The following TAF5L variants were observed in gnomAD, a reference collection of about 807,000 sequenced individuals.
TAF5L encodes the protein TAF5-like RNA polymerase II p300/CBP-associated factor-associated factor 65 kDa subunit 5L.
TAF5L carries 7 observed loss-of-function variants against 51.3 expected under a neutral mutation model. That is an observed-to-expected ratio of 0.14 (90% CI 0.08 to 0.26). The LOEUF (loss-of-function observed/expected upper bound fraction) is 0.26. Among genes scored for constraint, TAF5L ranks in the 10% least tolerant of loss-of-function variants. TAF5L has a pLI of 1.00. For synonymous variants in TAF5L, 291 were observed against 308.1 expected (o/e 0.94, Z 0.58); for missense variants, 575 against 758.9 (o/e 0.76, Z 2.85).
intron 3 of TAF5L, chr1:229,606,335 A>G (rs1291569830): frequency 5.6e-6 from 5 of 900,682 alleles, no homozygotes; most frequent in Non-Finnish European, 6.6e-6. Flanking sequence ...ATTTTTTTCT[A>G]ACTGCAAAAG....
chr1:229,611,596 C>G (rs982125457), intron 2 of TAF5L, among the ~76,000 whole-genome samples: 4 of 152,156 alleles, frequency 2.6e-5, no homozygotes, highest in African/African-American at 9.7e-5. Flanking sequence ...CCTCCTTCTT[C>G]TTGCCCCCCG....
At chr1:229,604,895 C>T (rs552813269) in intron 3 of TAF5L, among the ~76,000 whole-genome samples, 13 of 152,202 alleles carry the variant, frequency 8.5e-5, no homozygotes, top group Middle Eastern at 3.4e-3. Flanking sequence ...AAAATATCTT[C>T]GCATTCTTTC....
rs567546969 is a variant in TAF5L, at chr1:229,606,764, T to C, written c.247+3342A>G. On this transcript the variant is annotated intron_variant, in intron 3 of 4. Transcript: ENST00000258281. The stretch of plus-strand genomic sequence containing the variant: ...GTTTAAGAGTCACAGCTGGCCCTGG[T>C]TCAAATCCAGAGGTTGCTTGACTCC... 2.3e-4 allele frequency: 225 copies of C among 985,452 alleles called. 1 individual carries two copies. Among genetic ancestry groups the C allele is most frequent in the South Asian group, 1.5e-3 (32 of 21,286 alleles). 61.0% of individuals were successfully genotyped at this position (985,452 alleles called of 1,614,324 possible).
chr1:229,610,345 A>C, intron 2 of TAF5L, 135 bp from the exon 3 acceptor site: 2 of 750,158 alleles, frequency 2.7e-6, no homozygotes, highest in South Asian at 1.8e-5. Flanking sequence ...TTTCCAAAGC[A>C]TGCTGGGTCC....
rs570180106 is a variant in TAF5L, at chr1:229,618,528, C to G, written c.-3-4043G>C. Among the ~76,000 whole-genome samples the G allele has an allele frequency of 2.9e-4, 44 of 152,152 alleles. 1 individual carries two copies. In the South Asian group the frequency reaches 8.9e-3, roughly 31 times the overall value. ...ACAATGTATATCTATTCTCATGTAT[C>G]AACAGTTGCCAGATACTTCAACCAA... is the stretch of plus-strand genomic sequence containing the variant. On this transcript the variant is annotated intron_variant, in intron 1 of 4. Coordinates refer to ENST00000258281, the Ensembl canonical transcript of TAF5L.
Position 229,594,110 on chromosome 1 carries a change from T to G in TAF5L, c.*187A>C. ...TCACTCATCATTGCCTCTCTCCTGT[T>G]CCCCTCCCCAACCTTGGCCTTCGAC... On this transcript the variant is annotated 3_prime_UTR_variant, in exon 5 of 5. Transcript: ENST00000258281. This position sits in a 1 kb window ranked among gnomAD's most constrained non-coding sequence, Gnocchi z 7.9. 1 of 637,732 alleles carries G rather than the reference T, an allele frequency of 1.6e-6. No individual in the cohort carries two copies. The highest frequency in any genetic ancestry group is 2.7e-6 in the Non-Finnish European group (1 of 364,902). 39.5% of individuals were successfully genotyped at this position (637,732 alleles called of 1,614,324 possible).
rs552434000 is a variant in TAF5L at position 229,602,027 on chromosome 1, T to C, written c.972+168A>G. 6.9e-7 allele frequency: 1 copy of C among 1,453,584 alleles called. No individual in the cohort carries two copies. The highest frequency in any genetic ancestry group is 1.5e-5 in the South Asian group (1 of 67,224). The allele number at this position is 1,453,584 out of a possible 1,614,324, so 90.0% of individuals were successfully genotyped here. A position where few individuals can be genotyped will look rare whatever the true frequency, so the allele number is the denominator to read the frequency against. ...TAAAAATTGTTTTTGCATCTTAGGTTAGGCATGTGCAGGAATTCAATGGCT... is the reference window on the plus strand; with the variant it reads ...TAAAAATTGTTTTTGCATCTTAGGTCAGGCATGTGCAGGAATTCAATGGCT... On this transcript the variant is annotated intron_variant, in intron 4 of 4. Coordinates refer to ENST00000258281, the Ensembl canonical transcript of TAF5L. This position sits in a 1 kb window ranked among gnomAD's most constrained non-coding sequence, Gnocchi z 4.6.
intron 1 of TAF5L, among the ~76,000 whole-genome samples, chr1:229,621,428 G>A (rs2102767218): frequency 6.6e-6 from 1 of 152,272 alleles, no homozygotes; most frequent in South Asian, 2.1e-4. Context: ...ACACCTTACT[G>A]GGAGGATATC....
intron 4 of TAF5L, chr1:229,599,305 A>T: frequency 1.7e-6 from 1 of 573,324 alleles, no homozygotes; most frequent in Non-Finnish European, 2.2e-6. Flanking sequence ...ATATAATTAC[A>T]TACTATATAA....
chr1:229,620,113 A>C (rs538128971), intron 1 of TAF5L, among the ~76,000 whole-genome samples: 2 of 151,748 alleles, frequency 1.3e-5, no homozygotes, highest in African/African-American at 4.8e-5. Context: ...GAGGCCACCA[A>C]CTCCTATTCT....
intron 3 of TAF5L, chr1:229,606,231 A>T (rs1357666579): frequency 8.3e-6 from 8 of 963,152 alleles, no homozygotes; most frequent in Non-Finnish European, 7.4e-6. Context: ...ATTTGGAAGA[A>T]GGTGAGATTC....
At chr1:229,612,574 G>A (rs529327648) in intron 2 of TAF5L, among the ~76,000 whole-genome samples, 45 of 152,294 alleles carry the variant, frequency 3.0e-4, no homozygotes, top group African/African-American at 9.4e-4. Context: ...TGAAGGCAAG[G>A]AATAATGGGT....
chr1:229,600,382 T>C, intron 4 of TAF5L: 1 of 985,394 alleles, frequency 1.0e-6, no homozygotes, highest in Middle Eastern at 5.2e-4. Context: ...GTATGAACCA[T>C]GATGGAAAGC....
At chr1:229,605,127 T>C (rs1456257301) in intron 3 of TAF5L, among the ~76,000 whole-genome samples, 1 of 151,340 alleles carries the variant, frequency 6.6e-6, no homozygotes, top group African/African-American at 2.4e-5. Context: ...TATATATATG[T>C]ATTTTTTTTT....
At position 229,602,426 on chromosome 1, in the gene TAF5L, C is replaced by T. The variant is rs1664413132; in HGVS notation, c.741G>A (p.Lys247=). Residue 247 remains lysine (K), a synonymous_variant, in exon 4 of 5, where the codon AAG becomes AAA. Coordinates refer to ENST00000258281, the Ensembl canonical transcript of TAF5L. This position sits in a 1 kb window ranked among gnomAD's most constrained non-coding sequence, Gnocchi z 4.6. The stretch of plus-strand genomic sequence containing the variant: ...GGGAGGGAGGCCCATCCTTGACTCG[C>T]TTAATGCTCTCCTGTAAGACCTCTA... The T allele has an allele frequency of 2.5e-6, 4 of 1,614,106 alleles. No homozygotes were observed. Among genetic ancestry groups the T allele is most frequent in the African/African-American group, 1.3e-5 (1 of 75,002 alleles).
chr1:229,614,746 C>A (rs1664913215), intron 1 of TAF5L, among the ~76,000 whole-genome samples: 1 of 152,208 alleles, frequency 6.6e-6, no homozygotes, highest in African/African-American at 2.4e-5. Flanking sequence ...CCTTAGATCA[C>A]CCCCAAACTC....
At chr1:229,600,637 T>C (rs1664338330) in intron 4 of TAF5L, 1 of 985,338 alleles carries the variant, frequency 1.0e-6, no homozygotes, top group African/African-American at 1.7e-5. Context: ...CTTCCTGTCT[T>C]GGCCCCTCTC....
chr1:229,602,104 G>C lies in TAF5L; in HGVS notation c.972+91C>G. 1.3e-6 allele frequency: 2 copies of C among 1,530,704 alleles called. No homozygotes were observed. Among genetic ancestry groups the C allele is most frequent in the South Asian group, 1.3e-5 (1 of 75,662 alleles). The allele number at this position is 1,530,704 out of a possible 1,614,324, so 94.8% of individuals were successfully genotyped here. ...TTAGCTATATGATGAGGGAAACTAG[G>C]AAGTCCATTCTAAGATATGTCGTGT... is the stretch of plus-strand genomic sequence containing the variant. On this transcript the variant is annotated intron_variant, in intron 4 of 4. Coordinates refer to ENST00000258281, the Ensembl canonical transcript of TAF5L. The surrounding 1 kb of genome is among the most constrained non-coding windows in gnomAD (Gnocchi z 4.6).
chr1:229,617,356 T>C (rs1665043858), intron 1 of TAF5L, among the ~76,000 whole-genome samples: 1 of 152,204 alleles, frequency 6.6e-6, no homozygotes, highest in Non-Finnish European at 1.5e-5. Context: ...GACGAGTCAA[T>C]CCAACCAGTG....
Sources: allele counts gnomAD v4.1 joint callset (sites outside exome capture counted in the v4.1 genomes callset), GRCh38; gene constraint gnomAD v4.1.1; non-coding constraint Gnocchi (gnomAD v3.1); transcripts MANE v1.5; gene names NCBI Gene and HGNC (gene_info 2026-07-23, HGNC 2026-07-21).